PDGFRL: variants seen among roughly 807,000 people sequenced by gnomAD.
The protein encoded by PDGFRL is platelet-derived growth factor receptor-like protein.
In PDGFRL, 46 loss-of-function variants were observed where a neutral mutation model predicts 37.2. The observed-to-expected ratio is 1.24, with a 90% CI of 0.98 to 1.58. The LOEUF (loss-of-function observed/expected upper bound fraction) is 1.58, where lower values mean the gene tolerates loss of function less well. Ranked by LOEUF, PDGFRL falls within the 40% of genes most tolerant of loss-of-function variation. The pLI is 0.00. For missense variants in PDGFRL, 692 were observed against 467.6 expected (o/e 1.48, Z -4.43); for synonymous variants, 251 against 184.3 (o/e 1.36, Z -2.93).
At chr8:17,615,911 A>C (rs191429918) in intron 2 of PDGFRL, among the ~76,000 whole-genome samples, 1 of 152,220 alleles carries the variant, frequency 6.6e-6, no homozygotes, top group African/African-American at 2.4e-5. Flanking sequence ...CCCTATCTCT[A>C]AACGAATAAA....
chr8:17,615,315 AGTGTGT>A (rs35076150), intron 2 of PDGFRL, among the ~76,000 whole-genome samples: 1 of 151,500 alleles, frequency 6.6e-6, no homozygotes, highest in Non-Finnish European at 1.5e-5. Flanking sequence ...GTGATTTGGG[AGTGTGT>A]GTGTGTGCAT....
At chr8:17,617,461 C>T (rs1340133804) in intron 2 of PDGFRL, among the ~76,000 whole-genome samples, 4 of 152,302 alleles carry the variant, frequency 2.6e-5, no homozygotes, top group South Asian at 4.2e-4. Context: ...GACACTGGCT[C>T]TGAAGGGCTC....
At chr8:17,623,764 C>T (rs560632211) in intron 3 of PDGFRL, among the ~76,000 whole-genome samples, 44 of 151,936 alleles carry the variant, frequency 2.9e-4, no homozygotes, top group Middle Eastern at 3.4e-3. Flanking sequence ...CTCCCAGCTG[C>T]TCAGGAGGCT....
chr8:17,634,777 A>T (rs1003875408), intron 5 of PDGFRL, among the ~76,000 whole-genome samples: 2 of 151,974 alleles, frequency 1.3e-5, no homozygotes, highest in African/African-American at 4.8e-5. Flanking sequence ...ATTAGACTAC[A>T]TGGACATATA....
At chr8:17,586,481 T>C (rs1803820674) in intron 1 of PDGFRL, among the ~76,000 whole-genome samples, 1 of 152,180 alleles carries the variant, frequency 6.6e-6, no homozygotes, top group Admixed American at 6.5e-5. Flanking sequence ...GGAGAGGCAA[T>C]GGCATGAGCC....
intron 2 of PDGFRL, among the ~76,000 whole-genome samples, chr8:17,614,989 CT>C (rs1804494574): frequency 6.6e-6 from 1 of 152,148 alleles, no homozygotes; most frequent in Non-Finnish European, 1.5e-5. Flanking sequence ...TCTCTCAGGG[CT>C]TCATGAGGAT....
intron 4 of PDGFRL, among the ~76,000 whole-genome samples, chr8:17,629,022 A>T (rs1289874001): frequency 6.7e-6 from 1 of 148,742 alleles, no homozygotes; most frequent in Non-Finnish European, 1.5e-5. Context: ...GGCTCAAGCA[A>T]CCCTCCCTCC....
chr8:17,633,934 C>G, intron 4 of PDGFRL, 140 bp from the exon 5 acceptor site: 1 of 859,742 alleles, frequency 1.2e-6, no homozygotes, highest in Non-Finnish European at 2.0e-6. Flanking sequence ...GTTGTGGGCT[C>G]ACACTGTCCT....
At chr8:17,628,162 T>A (rs1430366775) in intron 3 of PDGFRL, among the ~76,000 whole-genome samples, 1 of 137,092 alleles carries the variant, frequency 7.3e-6, no homozygotes, top group Non-Finnish European at 1.6e-5. Flanking sequence ...CCCGGCTCAT[T>A]TTTTGTTTTT....
intron 2 of PDGFRL, among the ~76,000 whole-genome samples, chr8:17,611,257 T>A (rs2129718454): frequency 6.6e-6 from 1 of 152,344 alleles, no homozygotes; most frequent in South Asian, 2.1e-4. Context: ...GCACTTGTAC[T>A]TAACTCACAT....
At position 17,641,691 on chromosome 8, in the gene PDGFRL, A is replaced by G. The variant is rs73571159; in HGVS notation, c.940-922A>G. ...TTGCTAAAATAACAGCTCTGCTCCC[A>G]GCACGGAATAATCCCTTTGTTGCCA... On this transcript the variant is annotated intron_variant, in intron 5 of 5. Transcript: ENST00000251630. 4.1e-3 allele frequency among the ~76,000 whole-genome samples: 620 copies of G among 152,354 alleles called. 10 individuals carry two copies. The highest frequency in any genetic ancestry group is 0.014 in the African/African-American group (599 of 41,588).
intron 1 of PDGFRL, among the ~76,000 whole-genome samples, chr8:17,585,598 T>A (rs1271437767): frequency 2.0e-5 from 3 of 152,152 alleles, no homozygotes; most frequent in Non-Finnish European, 4.4e-5. Flanking sequence ...GGGAAGCAAC[T>A]GAGTGGCTCA....
chr8:17,582,085 T>C (rs766803345), intron 1 of PDGFRL, among the ~76,000 whole-genome samples: 3 of 152,192 alleles, frequency 2.0e-5, no homozygotes, highest in Non-Finnish European at 4.4e-5. Context: ...GTAAAGTTCA[T>C]GCTGACAAGG....
At chr8:17,633,071 G>C in intron 4 of PDGFRL, among the ~76,000 whole-genome samples, 1 of 152,100 alleles carries the variant, frequency 6.6e-6, no homozygotes, top group Non-Finnish European at 1.5e-5. Context: ...CAGATTCCAA[G>C]GGCTCAGAGA....
chr8:17,627,851 G>C (rs1422157102), intron 3 of PDGFRL, among the ~76,000 whole-genome samples: 1 of 151,858 alleles, frequency 6.6e-6, no homozygotes, highest in African/African-American at 2.4e-5. Flanking sequence ...AAGAAGTAAG[G>C]CTGGGCATGT....
chr8:17,628,560 G>C lies in PDGFRL; in HGVS notation c.579G>C (p.Val193=). 1 of 1,614,024 alleles carries C rather than the reference G, an allele frequency of 6.2e-7. No individual in the cohort carries two copies. Among genetic ancestry groups the C allele is most frequent in the Non-Finnish European group, 8.5e-7 (1 of 1,179,876 alleles). The change falls in exon 4 of 6, where the codon GTG becomes GTC. Residue 193 remains valine (V), a synonymous_variant. Coordinates refer to ENST00000251630, the MANE Select transcript of PDGFRL (RefSeq NM_001372073.1). ...ACTTGAACCCGGACAGACAGGCTGT[G>C]GTTCCTTGTCGGGTGACCGTGCTGT... ...VVYLNPDRQA[V]VPCRVTVLSA... is the part of the protein sequence containing the mutation.
chr8:17,619,922 G>A (rs71526140), intron 2 of PDGFRL, among the ~76,000 whole-genome samples: 8,389 of 152,184 alleles, frequency 0.055, 222 homozygotes, highest in Middle Eastern at 0.068. Context: ...TTGAGGAGAG[G>A]CTTTTCTCTC....
intron 1 of PDGFRL, among the ~76,000 whole-genome samples, chr8:17,580,919 A>C (rs77890472): frequency 6.6e-6 from 1 of 151,018 alleles, no homozygotes; most frequent in Non-Finnish European, 1.5e-5. Context: ...CCATGTGACC[A>C]TCTTCTCCCC....
At chr8:17,577,379 C>T (rs1803608751) in intron 1 of PDGFRL, 72 bp downstream of exon 1, 1 of 1,295,138 alleles carries the variant, frequency 7.7e-7, no homozygotes, top group Non-Finnish European at 1.1e-6. Flanking sequence ...CCCCCGCCGC[C>T]CTCCTGCCAG....
Sources: allele counts gnomAD v4.1 joint callset (sites outside exome capture counted in the v4.1 genomes callset), GRCh38; gene constraint gnomAD v4.1.1; transcripts MANE v1.5; gene names NCBI Gene and HGNC (gene_info 2026-07-23, HGNC 2026-07-21).